Variants in FCGR3A observed in about 807,000 individuals in gnomAD.
The protein encoded by FCGR3A is low affinity immunoglobulin gamma Fc region receptor III-A.
A neutral mutation model predicts 24.1 loss-of-function variants in FCGR3A; 13 were observed. That is an observed-to-expected ratio of 0.54 (90% confidence interval 0.35 to 0.86). FCGR3A has a LOEUF of 0.86. Ranked by LOEUF, FCGR3A falls within the 40% of genes least tolerant of loss-of-function variation. FCGR3A has a pLI of 0.01. For missense variants in FCGR3A, 235 were observed against 298.0 expected, an observed-to-expected ratio of 0.79 and a Z score of 1.56; for synonymous variants, 93 against 112.2, an observed-to-expected ratio of 0.83 and a Z score of 1.08.
Position 161,542,908 on chromosome 1 carries a change from T to G in FCGR3A, c.*104A>C. 1 of 892,972 alleles carries G rather than the reference T, an allele frequency of 1.1e-6. No individual in the cohort carries two copies. Among genetic ancestry groups the G allele is most frequent in the Non-Finnish European group, 1.7e-6 (1 of 581,230 alleles). The allele number at this position is 892,972 out of a possible 1,614,324, so 55.3% of individuals were successfully genotyped here. ...AGGGATCTGGCTCTGAGTTCTATGT[T>G]TCCTGCTGCTTGTAGAGAGGCCTGA... is the stretch of plus-strand genomic sequence containing the variant. On this transcript the variant is annotated 3_prime_UTR_variant, in exon 5 of 5. Coordinates refer to ENST00000443193, the MANE Select transcript of FCGR3A (RefSeq NM_000569.8).
intron 3 of FCGR3A, chr1:161,545,494 G>A (rs1425641813): frequency 6.4e-6 from 1 of 155,730 alleles, no homozygotes; most frequent in Non-Finnish European, 1.4e-5. Context: ...GTAAACACCA[G>A]GGAGGGGAAG....
chr1:161,544,101 G>T (rs1487856859), intron 4 of FCGR3A, among the ~76,000 whole-genome samples: 1 of 152,208 alleles, frequency 6.6e-6, no homozygotes, highest in Non-Finnish European at 1.5e-5. Flanking sequence ...ATCTCATGTT[G>T]TGAAGGTCTA....
Position 161,544,804 on chromosome 1 carries a change from G to A in FCGR3A, c.474C>T (p.Tyr158=), listed in dbSNP as rs1224918009. 8.1e-6 allele frequency: 13 copies of A among 1,613,732 alleles called. No homozygotes were observed. The highest frequency in any genetic ancestry group is 1.6e-4 in the Middle Eastern group (1 of 6,080). The stretch of plus-strand genomic sequence containing the variant: ...TGTCTTTGAGTGTGGCTTTTGGAAT[G>A]TAGAAGTCAGAATTATGATGAAAAT... ...RKYFHHNSDF[Y]IPKATLKDSG... Residue 158 remains tyrosine, a synonymous_variant, in exon 4 of 5, where the codon TAC becomes TAT. Coordinates refer to ENST00000443193, the MANE Select transcript of FCGR3A (RefSeq NM_000569.8).
At chr1:161,550,264 TC>T (rs1484456603), upstream of FCGR3A, among the ~76,000 whole-genome samples, 1 of 152,214 alleles carries the variant, frequency 6.6e-6, no homozygotes, top group Non-Finnish European at 1.5e-5. Flanking sequence ...TTTCAAATCT[TC>T]AGACCACTAG....
intron 3 of FCGR3A, chr1:161,545,825 T>C (rs535180665): frequency 1.3e-5 from 2 of 152,028 alleles, no homozygotes; most frequent in Non-Finnish European, 2.9e-5. Flanking sequence ...TATAATGGCA[T>C]AAGAAAATAT....
Position 161,548,445 on chromosome 1 carries a change from G to T in FCGR3A, c.295C>A (p.Pro99Thr), listed in dbSNP as rs145420690. The change falls in exon 3 of 5, where the codon CCG becomes ACG. Residue 99 changes from proline to threonine, a missense_variant. By Grantham distance (38) the Pro-to-Thr change is conservative. Coordinates refer to ENST00000443193, the MANE Select transcript of FCGR3A (RefSeq NM_000569.8). ...CQTNLSTLSDPVQLEVHIGWL... is the reference protein window; with the variant it reads ...CQTNLSTLSDTVQLEVHIGWL... ...CCGATATGGACTTCTAGCTGCACCGGGTCACTGAGGGTGGAGAGGTTTGTC... is the reference window on the plus strand; with the variant it reads ...CCGATATGGACTTCTAGCTGCACCGTGTCACTGAGGGTGGAGAGGTTTGTC... 6.2e-6 allele frequency: 10 copies of T among 1,613,876 alleles called. No individual in the cohort carries two copies. Among genetic ancestry groups the T allele is most frequent in the African/African-American group, 2.7e-5 (2 of 74,908 alleles).
intron 3 of FCGR3A, among the ~76,000 whole-genome samples, chr1:161,546,164 A>G (rs1337964970): frequency 6.6e-6 from 1 of 152,094 alleles, no homozygotes; most frequent in Non-Finnish European, 1.5e-5. Flanking sequence ...ATTCTCTACC[A>G]CAAAGATTTG....
Position 161,543,202 on chromosome 1 carries a change from A to G in FCGR3A, c.578-3T>C, listed in dbSNP as rs769084787. On this transcript the variant is annotated splice_region_variant and splice_polypyrimidine_tract_variant and intron_variant, in intron 4 of 4. Transcript: ENST00000443193. The stretch of plus-strand genomic sequence containing the variant: ...TGAGATGGTTGACACTGCCAAACCT[A>G]TTAGGAGAAGTGGAGAGATGAAAAA... 6.2e-7 allele frequency: 1 copy of G among 1,611,692 alleles called. No individual in the cohort carries two copies. The highest frequency in any genetic ancestry group is 1.3e-5 in the African/African-American group (1 of 74,808).
chr1:161,542,815 C>T lies in FCGR3A; in HGVS notation c.*197G>A. On this transcript the variant is annotated 3_prime_UTR_variant, in exon 5 of 5. Coordinates refer to ENST00000443193, the MANE Select transcript of FCGR3A (RefSeq NM_000569.8). ...CTAGGAATGCAGCTACTCACTGGGG[C>T]TTCCCTGCTTGAAGATCATGGGCTT... is the stretch of plus-strand genomic sequence containing the variant. The T allele has an allele frequency of 2.1e-6, 1 of 486,574 alleles. No homozygotes were observed. The highest frequency in any genetic ancestry group is 3.9e-5 in the South Asian group (1 of 25,942). The allele number at this position is 486,574 out of a possible 1,614,324, so 30.1% of individuals were successfully genotyped here. A position where few individuals can be genotyped will look rare whatever the true frequency, so the allele number is the denominator to read the frequency against.
Position 161,549,814 on chromosome 1 carries a change from T to C in FCGR3A, c.-78A>G, listed in dbSNP as rs1294875637. 2.5e-6 allele frequency: 4 copies of C among 1,613,652 alleles called. No individual in the cohort carries two copies. Among genetic ancestry groups the C allele is most frequent in the Non-Finnish European group, 1.7e-6 (2 of 1,179,866 alleles). ...ACCAAACCGACTAGACAGGAGGAAG[T>C]AAACAGCCTTTCCCCAGCCCCTCCA... is the stretch of plus-strand genomic sequence containing the variant. On this transcript the variant is annotated 5_prime_UTR_variant, in exon 1 of 5. Coordinates refer to ENST00000443193, the MANE Select transcript of FCGR3A (RefSeq NM_000569.8).
intron 4 of FCGR3A, among the ~76,000 whole-genome samples, chr1:161,543,732 T>A (rs1677242268): frequency 6.6e-6 from 1 of 152,290 alleles, no homozygotes; most frequent in African/African-American, 2.4e-5. Flanking sequence ...TAAAGTGTCA[T>A]GAAATTATTT....
Position 161,543,091 on chromosome 1 carries a change from A to T in FCGR3A, c.686T>A (p.Val229Glu). 1 of 1,613,396 alleles carries T rather than the reference A, an allele frequency of 6.2e-7. No homozygotes were observed. Among genetic ancestry groups the T allele is most frequent in the Non-Finnish European group, 8.5e-7 (1 of 1,179,624 alleles). ...FAVDTGLYFS[V>E]KTNIRSSTRD... The stretch of plus-strand genomic sequence containing the variant: ...TGTTGAGCTTCGAATGTTTGTCTTC[A>T]CAGAGAAATATAGTCCTGTGTCCAC... The change falls in exon 5 of 5, where the codon GTG (valine) becomes GAG (glutamate). Residue 229 changes from valine to glutamate, a missense_variant. Coordinates refer to ENST00000443193, the MANE Select transcript of FCGR3A (RefSeq NM_000569.8).
At chr1:161,550,714 C>G (rs1424604905), upstream of FCGR3A, 3 of 152,618 alleles carry the variant, frequency 2.0e-5, no homozygotes, top group Non-Finnish European at 2.9e-5. Context: ...TCCCCCGTAA[C>G]CCCACGTTGG....
rs1438654336 is a variant in FCGR3A at position 161,542,362 on chromosome 1, G to A, written c.*650C>T. 3 of 139,034 alleles carry A rather than the reference G, an allele frequency of 2.2e-5. No individual in the cohort carries two copies. The highest frequency in any genetic ancestry group is 4.5e-5 in the Non-Finnish European group (3 of 65,994). 8.6% of individuals were successfully genotyped at this position (139,034 alleles called of 1,614,324 possible). Reference sequence around the variant, plus strand: ...TAAGAGGACTCATCGTTATATACTTGGAGATGGTCCAGTTCTGATAGAGTC... The same window carrying A: ...TAAGAGGACTCATCGTTATATACTTAGAGATGGTCCAGTTCTGATAGAGTC... On this transcript the variant is annotated 3_prime_UTR_variant, in exon 5 of 5. Coordinates refer to ENST00000443193, the MANE Select transcript of FCGR3A (RefSeq NM_000569.8).
rs1234583833 is a variant in FCGR3A at position 161,543,019 on chromosome 1, T to C, written c.758A>G (p.Asp253Gly). 1 of 1,610,972 alleles carries C rather than the reference T, an allele frequency of 6.2e-7. No individual in the cohort carries two copies. The highest frequency in any genetic ancestry group is 1.7e-5 in the Admixed American group (1 of 59,592). The change falls in exon 5 of 5, where the codon GAC becomes GGC. Residue 253 changes from aspartate to glycine, a missense_variant. Asp to Gly is a moderately conservative substitution (Grantham distance 94, BLOSUM62 -1). Coordinates refer to ENST00000443193, the MANE Select transcript of FCGR3A (RefSeq NM_000569.8). Reference sequence around the variant, plus strand: ...ACCCCCATGGGATGGGGGTCATTTGTCTTGAGGGTCCTTTCTCCATTTAAA... The same window carrying C: ...ACCCCCATGGGATGGGGGTCATTTGCCTTGAGGGTCCTTTCTCCATTTAAA... ...HKFKWRKDPQ[D>G]K
Position 161,543,078 on chromosome 1 carries a change from A to C in FCGR3A, c.699T>G (p.Ile233Met). 1 of 1,613,426 alleles carries C rather than the reference A, an allele frequency of 6.2e-7. No individual in the cohort carries two copies. The highest frequency in any genetic ancestry group is 8.5e-7 in the Non-Finnish European group (1 of 1,179,656). ...TGLYFSVKTN[I>M]RSSTRDWKDH... Reference sequence around the variant, plus strand: ...CCTTCCAGTCTCTTGTTGAGCTTCGAATGTTTGTCTTCACAGAGAAATATA... The same window carrying C: ...CCTTCCAGTCTCTTGTTGAGCTTCGCATGTTTGTCTTCACAGAGAAATATA... The change falls in exon 5 of 5, where the codon ATT becomes ATG. Residue 233 changes from isoleucine (I) to methionine (M), a missense_variant. By Grantham distance (10) the Ile-to-Met change is conservative. Transcript: ENST00000443193.
At position 161,544,935 on chromosome 1, in the gene FCGR3A, G is replaced by A. The variant is rs778260076; in HGVS notation, c.343C>T (p.Arg115Trp). Residue 115 changes from arginine to tryptophan, a missense_variant, in exon 4 of 5, where the codon CGG (arginine) becomes TGG (tryptophan). By Grantham distance (101) the Arg-to-Trp change is moderately radical. Coordinates refer to ENST00000443193, the MANE Select transcript of FCGR3A (RefSeq NM_000569.8). ...HIGWLLLQAP[R>W]WVFKEEDPIH... is the part of the protein sequence containing the mutation. ...GGGTCTTCCTCCTTGAACACCCACC[G>A]AGGGGCCTGGAGCAACAGCCAGCCT... 1.6e-5 allele frequency: 26 copies of A among 1,610,654 alleles called. No homozygotes were observed. The highest frequency in any genetic ancestry group is 8.9e-5 in the East Asian group (4 of 44,890).
upstream of FCGR3A, chr1:161,549,913 A>G: frequency 3.2e-6 from 5 of 1,569,054 alleles, no homozygotes. Flanking sequence ...CTGGCAAGGG[A>G]GCCCCACCAT....
At position 161,549,798 on chromosome 1, in the gene FCGR3A, AC is replaced by A; in HGVS notation, c.-63del. On this transcript the variant is annotated 5_prime_UTR_variant, in exon 1 of 5. Coordinates refer to ENST00000443193, the MANE Select transcript of FCGR3A (RefSeq NM_000569.8). Reference sequence around the variant, plus strand: ...CCGGAGCCCTAAAGGGACCAAACCGACTAGACAGGAGGAAGTAAACAGCCTT... The same window carrying A: ...CCGGAGCCCTAAAGGGACCAAACCGATAGACAGGAGGAAGTAAACAGCCTT... 6.2e-7 allele frequency: 1 copy of A among 1,613,858 alleles called. No homozygotes were observed. Among genetic ancestry groups the A allele is most frequent in the Non-Finnish European group, 8.5e-7 (1 of 1,179,878 alleles).
Sources: gnomAD v4.1 joint callset for allele counts (sites outside exome capture counted in the v4.1 genomes callset) on GRCh38, gnomAD v4.1.1 for gene constraint, MANE v1.5 for transcripts, NCBI Gene and HGNC (gene_info 2026-07-23, HGNC 2026-07-21) for gene names.